The following SDK1 variants were observed in gnomAD, a reference collection of about 807,000 sequenced individuals.
The protein encoded by SDK1 is protein sidekick-1.
Under a neutral mutation model 245.5 loss-of-function variants are expected in SDK1, and 157 were observed. The ratio of observed to expected loss-of-function variants is 0.64; its 90% confidence interval spans 0.56 to 0.73. SDK1 has a LOEUF of 0.73. Among genes scored for constraint, SDK1 ranks in the 30% least tolerant of loss-of-function variants. The pLI, the probability that SDK1 is intolerant of heterozygous loss-of-function variation, is 0.00. For missense variants in SDK1, 3,583 were observed against 3,002.3 expected (o/e 1.19, Z -4.52); for synonymous variants, 1,647 against 1,278.5 (o/e 1.29, Z -6.15).
At chr7:4,201,883 C>T (rs1783907623) in intron 35 of SDK1, among the ~76,000 whole-genome samples, 1 of 152,186 alleles carries the variant, frequency 6.6e-6, no homozygotes, top group Non-Finnish European at 1.5e-5. Context: ...CAGGGTGGTT[C>T]TGGCAAGAGT....
At chr7:3,991,095 G>C (rs761662618) in intron 14 of SDK1, among the ~76,000 whole-genome samples, 6 of 152,210 alleles carry the variant, frequency 3.9e-5, no homozygotes, top group African/African-American at 1.4e-4. Context: ...GCACGTTCCC[G>C]GCTAGGTACG....
rs565397327 is a variant in SDK1 at position 3,682,444 on chromosome 7, C to G, written c.713+40339C>G. ...CTGTCACAAATCATGCACTGTCGTC[C>G]TGGTATCTGGAACAAAGCTAATGGC... On this transcript the variant is annotated intron_variant, in intron 4 of 44. Transcript: ENST00000404826. Among the ~76,000 whole-genome samples, 128 of 16,438 alleles carry G rather than the reference C, an allele frequency of 7.8e-3. 1 individual carries two copies. Among genetic ancestry groups the G allele is most frequent in the African/African-American group, 0.028 (126 of 4,534 alleles). 10.8% of individuals were successfully genotyped at this position (16,438 alleles called of 152,430 possible).
chr7:3,658,657 G>T (rs62437901), intron 4 of SDK1, among the ~76,000 whole-genome samples: 32,587 of 144,058 alleles, frequency 0.23, 4,460 homozygotes, highest in Non-Finnish European at 0.3. Flanking sequence ...TGTCATCCAG[G>T]CTGGAGTGCA....
chr7:3,913,357 G>A (rs409173), intron 5 of SDK1, among the ~76,000 whole-genome samples: 31 of 148,762 alleles, frequency 2.1e-4, no homozygotes, highest in South Asian at 1.7e-3. Flanking sequence ...GCAGTGGCAC[G>A]ATCTCGGCTC....
At chr7:3,701,708 C>G (rs1282375979) in intron 4 of SDK1, among the ~76,000 whole-genome samples, 2 of 152,104 alleles carry the variant, frequency 1.3e-5, no homozygotes, top group Non-Finnish European at 2.9e-5. Flanking sequence ...AAGGATCACT[C>G]TATTCAATCT....
chr7:3,512,554 T>C (rs1562532043), intron 1 of SDK1, among the ~76,000 whole-genome samples: 1 of 152,218 alleles, frequency 6.6e-6, no homozygotes, highest in African/African-American at 2.4e-5. Context: ...CAGAAGTGAC[T>C]GTAACATTTT....
intron 4 of SDK1, among the ~76,000 whole-genome samples, chr7:3,730,218 G>A (rs1779139140): frequency 6.6e-6 from 1 of 152,100 alleles, no homozygotes; most frequent in Admixed American, 6.6e-5. Flanking sequence ...AGGAAATAGG[G>A]AAGGGCATCT....
chr7:4,050,472 C>T (rs1005890731), intron 18 of SDK1, among the ~76,000 whole-genome samples: 1 of 152,226 alleles, frequency 6.6e-6, no homozygotes, highest in East Asian at 1.9e-4. Context: ...TTGATGACTT[C>T]GCTGTCAGTT....
At chr7:3,544,552 C>T (rs1239887530) in intron 1 of SDK1, among the ~76,000 whole-genome samples, 2 of 152,212 alleles carry the variant, frequency 1.3e-5, no homozygotes, top group Admixed American at 6.5e-5. Flanking sequence ...CCCAAAGTAG[C>T]GTTTAGATTT....
intron 22 of SDK1, among the ~76,000 whole-genome samples, chr7:4,094,048 G>T (rs927373792): frequency 1.3e-5 from 2 of 151,686 alleles, no homozygotes; most frequent in African/African-American, 2.4e-5. Context: ...GGCCAGGGTG[G>T]TTTTTTTTGT....
At chr7:3,756,655 G>A (rs984803633) in intron 4 of SDK1, among the ~76,000 whole-genome samples, 5 of 151,824 alleles carry the variant, frequency 3.3e-5, no homozygotes, top group East Asian at 1.9e-4. Context: ...GACCTTGTGC[G>A]TGTAGTCATG....
At chr7:3,500,088 G>A (rs1325749015) in intron 1 of SDK1, among the ~76,000 whole-genome samples, 2 of 152,236 alleles carry the variant, frequency 1.3e-5, no homozygotes, top group African/African-American at 2.4e-5. Context: ...AGGTGGTTGG[G>A]TGGGTGAGTG....
chr7:3,334,810 A>G (rs142274048), intron 1 of SDK1, among the ~76,000 whole-genome samples: 40 of 152,154 alleles, frequency 2.6e-4, no homozygotes, highest in African/African-American at 8.9e-4. Flanking sequence ...TATATTTCCA[A>G]TGGTCGGTCA....
chr7:3,827,177 A>AT (rs1779796353), intron 5 of SDK1, among the ~76,000 whole-genome samples: 2 of 152,050 alleles, frequency 1.3e-5, no homozygotes, highest in Non-Finnish European at 2.9e-5. Flanking sequence ...CATATGGGGG[A>AT]AGCTCAATAT....
At chr7:3,435,517 G>GATTATT (rs144741150) in intron 1 of SDK1, among the ~76,000 whole-genome samples, 1 of 149,972 alleles carries the variant, frequency 6.7e-6, no homozygotes, top group South Asian at 2.1e-4. Context: ...TTATGATTAT[G>GATTATT]ATTATTATTA....
chr7:3,465,320 C>T (rs1314516940), intron 1 of SDK1, among the ~76,000 whole-genome samples: 5 of 152,080 alleles, frequency 3.3e-5, no homozygotes, highest in African/African-American at 1.2e-4. Context: ...TTCCATAACA[C>T]ATACAAATTA....
intron 26 of SDK1, 80 bp from the exon 27 acceptor site, chr7:4,129,828 G>C: frequency 6.3e-7 from 1 of 1,580,128 alleles, no homozygotes; most frequent in Non-Finnish European, 8.6e-7. Context: ...CTTGATTCAC[G>C]AAGGGGGCCT....
intron 1 of SDK1, among the ~76,000 whole-genome samples, chr7:3,610,416 T>C (rs1029747176): frequency 2.0e-5 from 3 of 152,250 alleles, no homozygotes; most frequent in Admixed American, 6.5e-5. Flanking sequence ...CTTACTCTTA[T>C]TTTGGTTGGT....
intron 15 of SDK1, among the ~76,000 whole-genome samples, chr7:4,011,827 A>G (rs1345931363): frequency 6.6e-6 from 1 of 152,144 alleles, no homozygotes; most frequent in African/African-American, 2.4e-5. Context: ...CAGTCTTTCT[A>G]AAGGGCTGAG....
Sources: gnomAD v4.1 joint callset for allele counts (sites outside exome capture counted in the v4.1 genomes callset) on GRCh38, gnomAD v4.1.1 for gene constraint, MANE v1.5 for transcripts, NCBI Gene and HGNC (gene_info 2026-07-23, HGNC 2026-07-21) for gene names.